The following NFAT5 variants were observed in gnomAD, a reference collection of about 807,000 sequenced individuals.
The protein encoded by NFAT5 is nuclear factor of activated T cells 5, also known as nuclear factor of activated T-cells 5.
In NFAT5, 31 loss-of-function variants were observed where a neutral mutation model predicts 166.5. That is an observed-to-expected ratio of 0.19 (90% CI 0.14 to 0.25). The LOEUF (loss-of-function observed/expected upper bound fraction) is 0.25. NFAT5 is among the 10% of genes least tolerant of loss of function. The pLI is 1.00. For synonymous variants in NFAT5, 612 were observed against 639.7 expected (o/e 0.96, Z 0.65); for missense variants, 1,449 against 1,821.8 (o/e 0.80, Z 3.72).
intron 7 of NFAT5, among the ~76,000 whole-genome samples, chr16:69,665,112 C>T (rs1238666319): frequency 2.0e-5 from 3 of 152,050 alleles, no homozygotes; most frequent in Non-Finnish European, 2.9e-5. Context: ...TTTAGTATGG[C>T]GTCTGTTGGG....
chr16:69,629,313 A>T (rs967616455), intron 3 of NFAT5, among the ~76,000 whole-genome samples: 3 of 152,284 alleles, frequency 2.0e-5, no homozygotes, highest in South Asian at 2.1e-4. Flanking sequence ...TTAATTTTTT[A>T]AAATGTGTTT....
chr16:69,685,259 A>G (rs2037250407), intron 11 of NFAT5: 2 of 150,592 alleles, frequency 1.3e-5, no homozygotes, highest in East Asian at 1.9e-4. Flanking sequence ...TATTAAAAGT[A>G]TATGAGGCTG....
intron 13 of NFAT5, among the ~76,000 whole-genome samples, chr16:69,694,752 T>C (rs557221382): frequency 6.6e-6 from 1 of 152,376 alleles, no homozygotes; most frequent in Non-Finnish European, 1.5e-5. Context: ...TTTTAAGCTA[T>C]AAACTTAAAA....
At chr16:69,636,166 C>G (rs1325000167) in intron 3 of NFAT5, among the ~76,000 whole-genome samples, 2 of 152,158 alleles carry the variant, frequency 1.3e-5, no homozygotes, top group African/African-American at 4.8e-5. Context: ...TTTTAAAGCT[C>G]CAAAATGATC....
intron 7 of NFAT5, among the ~76,000 whole-genome samples, chr16:69,661,539 T>TAAAAAAAAAAAAAAAAA (rs1037382239): frequency 7.9e-5 from 3 of 37,934 alleles, no homozygotes; most frequent in Non-Finnish European, 1.3e-4. Flanking sequence ...CCCAGTCTCT[T>TAAAAAAAAAAAAAAAAA]AAAAAAAAAA....
intron 7 of NFAT5, among the ~76,000 whole-genome samples, chr16:69,662,825 C>G (rs1216518028): frequency 1.3e-5 from 2 of 152,046 alleles, no homozygotes; most frequent in Non-Finnish European, 2.9e-5. Context: ...ATCCTGACCA[C>G]TTAGGAAGCT....
chr16:69,671,077 TG>T (rs1316073238), intron 9 of NFAT5, among the ~76,000 whole-genome samples: 2 of 152,256 alleles, frequency 1.3e-5, no homozygotes, highest in African/African-American at 4.8e-5. Context: ...ATTTCCTTGT[TG>T]TTTTAAAATT....
At position 69,572,199 on chromosome 16, in the gene NFAT5, A is replaced by G. The variant is rs529104608; in HGVS notation, c.127+3651A>G. Among the ~76,000 whole-genome samples, 356 of 152,326 alleles carry G rather than the reference A, an allele frequency of 2.3e-3. 5 individuals are homozygous for G. The highest frequency in any genetic ancestry group is 7.9e-3 in the African/African-American group (329 of 41,582). ...TTAAATTTAATACGATGATTGCCTGACAATGGGAAAAGGGTCCTGGCTAAT... is the reference window on the plus strand; with the variant it reads ...TTAAATTTAATACGATGATTGCCTGGCAATGGGAAAAGGGTCCTGGCTAAT... On this transcript the variant is annotated intron_variant, in intron 2 of 14. Transcript: ENST00000349945.
chr16:69,568,352 G>GTA (rs2016219173), intron 1 of NFAT5, 143 bp from the exon 2 acceptor site: 1 of 317,100 alleles, frequency 3.2e-6, no homozygotes, highest in Non-Finnish European at 5.7e-6. Flanking sequence ...ATATATGTGT[G>GTA]TGTGTGTGTG....
intron 7 of NFAT5, among the ~76,000 whole-genome samples, chr16:69,661,539 T>TAAAAAAAAAAAAAAAAAAAAAA (rs1037382239): frequency 2.6e-5 from 1 of 37,930 alleles, no homozygotes; most frequent in Non-Finnish European, 4.4e-5. Flanking sequence ...CCCAGTCTCT[T>TAAAAAAAAAAAAAAAAAAAAAA]AAAAAAAAAA....
chr16:69,585,953 C>T (rs1488596753), intron 2 of NFAT5, among the ~76,000 whole-genome samples: 2 of 152,164 alleles, frequency 1.3e-5, no homozygotes, highest in East Asian at 1.9e-4. Context: ...TGCACAATGT[C>T]GTGCATAGAT....
intron 1 of NFAT5, among the ~76,000 whole-genome samples, chr16:69,567,675 T>C (rs1331275748): frequency 6.6e-6 from 1 of 152,216 alleles, no homozygotes; most frequent in Non-Finnish European, 1.5e-5. Flanking sequence ...ACTTAGTAAT[T>C]GTAGCCACTG....
At chr16:69,598,620 C>T (rs2032948140) in intron 2 of NFAT5, among the ~76,000 whole-genome samples, 1 of 152,074 alleles carries the variant, frequency 6.6e-6, no homozygotes, top group Non-Finnish European at 1.5e-5. Flanking sequence ...TGCTATGCAA[C>T]AAGCACTAAG....
chr16:69,692,644 C>G lies in NFAT5; in HGVS notation c.2819C>G (p.Ala940Gly), dbSNP rs1224887623. The change falls in exon 13 of 15, where the codon GCA becomes GGA. Residue 940 changes from alanine (A) to glycine (G), a missense_variant. Coordinates refer to ENST00000349945, the MANE Select transcript of NFAT5 (RefSeq NM_138713.4). Reference protein sequence around the residue: ...QSELFPSTASANGNLQQSPVY... With the variant: ...QSELFPSTASGNGNLQQSPVY... ...GAGTTATTCCCTTCAACTGCTTCAGCAAATGGAAACCTTCAGCAATCGCCA... is the reference window on the plus strand; with the variant it reads ...GAGTTATTCCCTTCAACTGCTTCAGGAAATGGAAACCTTCAGCAATCGCCA... 6.2e-7 allele frequency: 1 copy of G among 1,614,222 alleles called. No individual in the cohort carries two copies. The highest frequency in any genetic ancestry group is 8.5e-7 in the Non-Finnish European group (1 of 1,180,048).
intron 2 of NFAT5, among the ~76,000 whole-genome samples, chr16:69,574,969 G>C (rs866132303): frequency 6.6e-6 from 1 of 152,178 alleles, no homozygotes; most frequent in South Asian, 2.1e-4. Context: ...ACCGTGCCCA[G>C]CCCATTCTCT....
chr16:69,681,965 G>A (rs190013761), intron 10 of NFAT5, among the ~76,000 whole-genome samples: 3 of 151,416 alleles, frequency 2.0e-5, no homozygotes, highest in Admixed American at 1.3e-4. Context: ...GATCCTGGGT[G>A]CCTGTTACAT....
At chr16:69,568,904 ATAAT>A (rs762455728) in intron 2 of NFAT5, among the ~76,000 whole-genome samples, 1 of 152,272 alleles carries the variant, frequency 6.6e-6, no homozygotes, top group Non-Finnish European at 1.5e-5. Flanking sequence ...CACCAAACAC[ATAAT>A]TAGTTTGAAA....
chr16:69,692,615 G>C lies in NFAT5; in HGVS notation c.2790G>C (p.Gln930His), dbSNP rs372790213. The C allele has an allele frequency of 2.5e-6, 4 of 1,614,232 alleles. No homozygotes were observed. In the South Asian group the frequency reaches 4.4e-5, roughly 18 times the overall value. The change falls in exon 13 of 15, where the codon CAG (glutamine) becomes CAC (histidine). Residue 930 changes from glutamine (Q) to histidine (H), a missense_variant. By Grantham distance (24) the Gln-to-His change is conservative. Coordinates refer to ENST00000349945, the MANE Select transcript of NFAT5 (RefSeq NM_138713.4). The stretch of plus-strand genomic sequence containing the variant: ...TCTGCCAGGCAGCTGCCCAGATTCA[G>C]TCAGAGTTATTCCCTTCAACTGCTT... ...QSICQAAAQI[Q>H]SELFPSTASA...
chr16:69,576,695 C>A (rs1203883608), intron 2 of NFAT5, among the ~76,000 whole-genome samples: 1 of 152,106 alleles, frequency 6.6e-6, no homozygotes, highest in Admixed American at 6.6e-5. Flanking sequence ...CGTAGCAAAA[C>A]CCCCTCTCTA....
Sources: allele counts gnomAD v4.1 joint callset (sites outside exome capture counted in the v4.1 genomes callset), GRCh38; gene constraint gnomAD v4.1.1; transcripts MANE v1.5; gene names NCBI Gene and HGNC (gene_info 2026-07-23, HGNC 2026-07-21).